The following RORA variants were observed in gnomAD, a reference collection of about 807,000 sequenced individuals.
RORA encodes RAR related orphan receptor A.
RORA carries 7 observed loss-of-function variants against 69.5 expected under a neutral mutation model. The observed-to-expected ratio is 0.10, with a 90% CI of 0.06 to 0.19. RORA has a LOEUF of 0.19. Ranked by LOEUF, RORA falls within the 10% of genes least tolerant of loss-of-function variation. The probability of loss-of-function intolerance (pLI) is 1.00; values close to 1 mark genes in which losing one functional copy is unlikely to be tolerated. For missense variants in RORA, 457 were observed against 663.0 expected (o/e 0.69, Z 3.41); for synonymous variants, 261 against 240.8 (o/e 1.08, Z -0.78).
chr15:60,855,890 C>A (rs2073374685), intron 1 of RORA, among the ~76,000 whole-genome samples: 1 of 152,228 alleles, frequency 6.6e-6, no homozygotes, highest in African/African-American at 2.4e-5. Flanking sequence ...GCTGGGATTA[C>A]AGGTGTGAGC....
chr15:60,627,394 T>C, intron 2 of RORA: 3 of 1,613,992 alleles, frequency 1.9e-6, no homozygotes, highest in Non-Finnish European at 2.5e-6. Flanking sequence ...TGGTTACCCA[T>C]CTGCCTCCAG....
At chr15:60,912,448 CA>C (rs200766518) in intron 1 of RORA, among the ~76,000 whole-genome samples, 2 of 150,840 alleles carry the variant, frequency 1.3e-5, no homozygotes, top group African/African-American at 4.9e-5. Flanking sequence ...CAAAACAAAA[CA>C]AAAAAACAAA....
Position 60,883,154 on chromosome 15 carries a change from A to G in RORA, c.167-204468T>C, listed in dbSNP as rs57859710. ...TCAAAAAAAAAAAAAAAAAAAAAGA[A>G]AGAGAGAGAGAGAGAGAGAGAGAGA... is the stretch of plus-strand genomic sequence containing the variant. On this transcript the variant is annotated intron_variant, in intron 1 of 10. Coordinates refer to ENST00000335670, the MANE Select transcript of RORA (RefSeq NM_134261.3). Among the ~76,000 whole-genome samples the G allele has an allele frequency of 3.2e-3, 300 of 94,022 alleles. 6 individuals are homozygous for G. The Middle Eastern group carries it at 0.035, about 11-fold the overall frequency. The allele number at this position is 94,022 out of a possible 152,430, so 61.7% of individuals were successfully genotyped here.
chr15:60,830,277 C>T (rs967587996), intron 1 of RORA, among the ~76,000 whole-genome samples: 5 of 152,282 alleles, frequency 3.3e-5, no homozygotes, highest in Admixed American at 2.6e-4. Flanking sequence ...AAGGAATAAA[C>T]CAAAACTTGT....
intron 1 of RORA, among the ~76,000 whole-genome samples, chr15:60,735,816 C>T (rs548601690): frequency 6.6e-6 from 1 of 152,142 alleles, no homozygotes; most frequent in South Asian, 2.1e-4. Flanking sequence ...AAATTCAATC[C>T]CTCACTTCCA....
chr15:60,631,277 T>C (rs372500353), intron 2 of RORA, among the ~76,000 whole-genome samples: 1 of 152,348 alleles, frequency 6.6e-6, no homozygotes, highest in South Asian at 2.1e-4. Flanking sequence ...AAACTGCCTC[T>C]GATTCCACAT....
At chr15:61,206,300 C>T (rs2079940868) in intron 1 of RORA, among the ~76,000 whole-genome samples, 1 of 152,172 alleles carries the variant, frequency 6.6e-6, no homozygotes, top group South Asian at 2.1e-4. Context: ...CATGGCCACC[C>T]AGCAAGCGTC....
Position 61,131,690 on chromosome 15 carries a change from T to C in RORA, c.166+97363A>G, listed in dbSNP as rs557367235. ...TCATTTAATATGAAATGAAAGGCAA[T>C]GTGCCAACATCGGAGCTCAATTTGG... On this transcript the variant is annotated intron_variant, in intron 1 of 10. Coordinates refer to ENST00000335670, the MANE Select transcript of RORA (RefSeq NM_134261.3). This position sits in a 1 kb window ranked among gnomAD's most constrained non-coding sequence, Gnocchi z 4.2. 1.5e-3 allele frequency among the ~76,000 whole-genome samples: 228 copies of C among 152,342 alleles called. 4 individuals carry two copies. Among genetic ancestry groups the C allele is most frequent in the Non-Finnish European group, 5.3e-4 (36 of 68,036 alleles).
chr15:60,803,837 G>A (rs758722030), intron 1 of RORA, among the ~76,000 whole-genome samples: 1 of 152,142 alleles, frequency 6.6e-6, no homozygotes, highest in Admixed American at 6.5e-5. Flanking sequence ...TTAAGTTTCT[G>A]ACCCACAATA....
At position 61,214,776 on chromosome 15, in the gene RORA, C is replaced by T. The variant is rs146040783; in HGVS notation, c.166+14277G>A. ...ACGGTTGAAAACTCCTGGACAATTACTGCCAAACTATCCCCTGAAGCCAGT... is the reference window on the plus strand; with the variant it reads ...ACGGTTGAAAACTCCTGGACAATTATTGCCAAACTATCCCCTGAAGCCAGT... On this transcript the variant is annotated intron_variant, in intron 1 of 10. Coordinates refer to ENST00000335670, the MANE Select transcript of RORA (RefSeq NM_134261.3). Among the ~76,000 whole-genome samples, 11 of 152,176 alleles carry T rather than the reference C, an allele frequency of 7.2e-5. No homozygotes were observed. The East Asian group carries it at 1.9e-3, about 27-fold the overall frequency.
Position 60,589,791 on chromosome 15 carries a change from G to C in RORA, c.197-57940C>G, listed in dbSNP as rs61709008. Among the ~76,000 whole-genome samples the C allele has an allele frequency of 3.9e-3, 587 of 152,270 alleles. 2 individuals are homozygous for C. Among genetic ancestry groups the C allele is most frequent in the African/African-American group, 0.014 (574 of 41,546 alleles). ...ATGTTTAAAAAACATCAGTAAATCAGCCAACAAAGAGAATCTTTCTTTTAT... is the reference window on the plus strand; with the variant it reads ...ATGTTTAAAAAACATCAGTAAATCACCCAACAAAGAGAATCTTTCTTTTAT... On this transcript the variant is annotated intron_variant, in intron 2 of 10. Transcript: ENST00000335670.
intron 1 of RORA, among the ~76,000 whole-genome samples, chr15:61,041,527 A>G (rs978727130): frequency 2.0e-5 from 3 of 152,168 alleles, no homozygotes; most frequent in Non-Finnish European, 2.9e-5. Flanking sequence ...CAGGGGGTGG[A>G]AATTCATTGG....
chr15:61,124,382 G>T (rs965932461), intron 1 of RORA, among the ~76,000 whole-genome samples: 1 of 152,170 alleles, frequency 6.6e-6, no homozygotes, highest in Non-Finnish European at 1.5e-5. Context: ...TGGAGGCAGC[G>T]GGGGAGGCTC....
chr15:61,173,434 GA>G (rs1173797118), intron 1 of RORA, among the ~76,000 whole-genome samples: 8 of 152,146 alleles, frequency 5.3e-5, no homozygotes, highest in Admixed American at 5.2e-4. Flanking sequence ...ACTTGTGTTG[GA>G]ATTTTTTAAG....
At chr15:60,755,607 TAA>T (rs896884832) in intron 1 of RORA, among the ~76,000 whole-genome samples, 1 of 152,158 alleles carries the variant, frequency 6.6e-6, no homozygotes, top group African/African-American at 2.4e-5. Context: ...ACCAACAGTG[TAA>T]AAGTGTTCCT....
chr15:60,775,111 AC>A (rs1184627079), intron 1 of RORA, among the ~76,000 whole-genome samples: 6 of 152,028 alleles, frequency 3.9e-5, no homozygotes, highest in Admixed American at 3.9e-4. Flanking sequence ...TCTTCTTTCA[AC>A]CCTTCTCTCT....
intron 1 of RORA, among the ~76,000 whole-genome samples, chr15:60,836,384 G>C (rs1002666481): frequency 6.6e-6 from 1 of 152,118 alleles, no homozygotes; most frequent in African/African-American, 2.4e-5. Flanking sequence ...AAGGACACTG[G>C]TTGTCCTTGA....
intron 1 of RORA, among the ~76,000 whole-genome samples, chr15:60,838,843 AACACACACACACACACACACAC>A (rs58762022): frequency 1.6e-5 from 2 of 122,084 alleles, no homozygotes; most frequent in African/African-American, 6.3e-5. Context: ...ACATTCATTC[AACACACACACACACACACACAC>A]ACACACACAC....
At chr15:60,645,200 G>A (rs549084758) in intron 2 of RORA, among the ~76,000 whole-genome samples, 2 of 152,042 alleles carry the variant, frequency 1.3e-5, no homozygotes, top group South Asian at 4.2e-4. Flanking sequence ...AGAGACTGTT[G>A]GGCGAGGAGG....
Sources: gnomAD v4.1 joint callset for allele counts (sites outside exome capture counted in the v4.1 genomes callset) on GRCh38, gnomAD v4.1.1 for gene constraint, Gnocchi (gnomAD v3.1) non-coding constraint, MANE v1.5 for transcripts, NCBI Gene and HGNC (gene_info 2026-07-23, HGNC 2026-07-21) for gene names.